Variants in POU2F3 observed in about 807,000 individuals in gnomAD.
POU2F3 encodes POU domain, class 2, transcription factor 3.
Under a neutral mutation model 59.2 loss-of-function variants are expected in POU2F3, and 23 were observed. That is an observed-to-expected ratio of 0.39 (90% CI 0.28 to 0.55). The LOEUF (loss-of-function observed/expected upper bound fraction) is 0.55. Ranked by LOEUF, POU2F3 falls within the 20% of genes least tolerant of loss-of-function variation. POU2F3 has a pLI of 0.66. For missense variants in POU2F3, 473 were observed against 544.5 expected, an observed-to-expected ratio of 0.87 and a Z score of 1.31; for synonymous variants, 190 against 214.6, an observed-to-expected ratio of 0.89 and a Z score of 1.00.
At chr11:120,290,360 G>A (rs1032879653) in intron 3 of POU2F3, among the ~76,000 whole-genome samples, 2 of 152,178 alleles carry the variant, frequency 1.3e-5, no homozygotes, top group African/African-American at 2.4e-5. Context: ...ACTTGTAAGT[G>A]TAGCCTGGAA....
At chr11:120,289,575 A>T (rs910795678) in intron 3 of POU2F3, among the ~76,000 whole-genome samples, 10 of 152,090 alleles carry the variant, frequency 6.6e-5, no homozygotes, top group Admixed American at 2.0e-4. Flanking sequence ...CCTCCCCTAC[A>T]GCAGCAGTCC....
At chr11:120,307,837 GC>G (rs1941541629) in intron 9 of POU2F3, among the ~76,000 whole-genome samples, 1 of 152,156 alleles carries the variant, frequency 6.6e-6, no homozygotes, top group Non-Finnish European at 1.5e-5. Context: ...GACCCTTCTT[GC>G]CCTGACATCT....
chr11:120,315,982 T>C (rs979977883), intron 11 of POU2F3, among the ~76,000 whole-genome samples: 13 of 151,312 alleles, frequency 8.6e-5, no homozygotes, highest in Admixed American at 5.9e-4. Context: ...AAGCAATTCT[T>C]CTGCCACAGC....
At chr11:120,284,353 C>T (rs1940699396) in intron 3 of POU2F3, among the ~76,000 whole-genome samples, 1 of 152,196 alleles carries the variant, frequency 6.6e-6, no homozygotes, top group African/African-American at 2.4e-5. Context: ...TCCACAAAAC[C>T]TGCCCCCTTT....
At chr11:120,302,504 G>A (rs1272864169) in intron 6 of POU2F3, 136 bp downstream of exon 6, 4 of 746,226 alleles carry the variant, frequency 5.4e-6, no homozygotes, top group Middle Eastern at 2.4e-4. Flanking sequence ...ACTATCCATT[G>A]GCACAGGGGA....
Position 120,271,643 on chromosome 11 carries a change from G to C in POU2F3, c.132+2399G>C, listed in dbSNP as rs181325144. ...ATGGGCTTGGCGGCCCATGTGATTTGTTGGAAGCTTGAGACACACTAGTGC... is the reference window on the plus strand; with the variant it reads ...ATGGGCTTGGCGGCCCATGTGATTTCTTGGAAGCTTGAGACACACTAGTGC... On this transcript the variant is annotated intron_variant, in intron 3 of 12. Coordinates refer to ENST00000543440, the MANE Select transcript of POU2F3 (RefSeq NM_014352.4). Among the ~76,000 whole-genome samples the C allele has an allele frequency of 7.9e-5, 12 of 152,344 alleles. 1 individual carries two copies. The highest frequency in any genetic ancestry group is 7.2e-4 in the Admixed American group (11 of 15,308).
intron 1 of POU2F3, among the ~76,000 whole-genome samples, 174 bp downstream of exon 1, chr11:120,240,545 G>A (rs779773977): frequency 5.9e-5 from 9 of 152,082 alleles, no homozygotes; most frequent in Non-Finnish European, 1.0e-4. Context: ...GGGACTAAAG[G>A]GAGGGGATCT....
intron 3 of POU2F3, among the ~76,000 whole-genome samples, chr11:120,292,909 G>A (rs1200818340): frequency 6.6e-6 from 1 of 152,228 alleles, no homozygotes; most frequent in African/African-American, 2.4e-5. Flanking sequence ...TAAAATGAAG[G>A]GGTTTTTCAT....
chr11:120,267,426 G>A (rs1007459171), intron 2 of POU2F3, among the ~76,000 whole-genome samples: 1 of 152,102 alleles, frequency 6.6e-6, no homozygotes, highest in Non-Finnish European at 1.5e-5. Flanking sequence ...TAGCAGATCT[G>A]ATATATCATC....
At chr11:120,275,682 G>T (rs550665252) in intron 3 of POU2F3, among the ~76,000 whole-genome samples, 1 of 152,266 alleles carries the variant, frequency 6.6e-6, no homozygotes, top group African/African-American at 2.4e-5. Flanking sequence ...AGCTGTCCTT[G>T]TCCCACGTTT....
intron 3 of POU2F3, among the ~76,000 whole-genome samples, chr11:120,284,159 A>G (rs1940691058): frequency 6.6e-6 from 1 of 152,138 alleles, no homozygotes. Flanking sequence ...AGTCTGGGTG[A>G]CAAGAGCAAG....
At chr11:120,263,200 C>T (rs190041258) in intron 2 of POU2F3, among the ~76,000 whole-genome samples, 1 of 152,156 alleles carries the variant, frequency 6.6e-6, no homozygotes, top group Non-Finnish European at 1.5e-5. Flanking sequence ...CCATGTTGAT[C>T]AGGCTGGTCT....
At chr11:120,264,510 G>A (rs1425917749) in intron 2 of POU2F3, among the ~76,000 whole-genome samples, 2 of 152,182 alleles carry the variant, frequency 1.3e-5, no homozygotes, top group African/African-American at 4.8e-5. Flanking sequence ...AAGAGGAGGA[G>A]AGAAGGGCCT....
intron 8 of POU2F3, among the ~76,000 whole-genome samples, chr11:120,306,610 G>T (rs769450075): frequency 6.7e-6 from 1 of 149,302 alleles, no homozygotes; most frequent in Non-Finnish European, 1.5e-5. Flanking sequence ...GTGATGCAGA[G>T]TCCCCCCCGG....
rs567781950 is a variant in POU2F3, at chr11:120,240,499, G to T, written c.28+128G>T. 282 of 1,218,450 alleles carry T rather than the reference G, an allele frequency of 2.3e-4. No homozygotes were observed. In the African/African-American group the frequency reaches 3.7e-3, roughly 16 times the overall value. 75.5% of individuals were successfully genotyped at this position (1,218,450 alleles called of 1,614,324 possible). A position where few individuals can be genotyped will look rare whatever the true frequency, so the allele number is the denominator to read the frequency against. ...CGGCCAGGAGAGGGCGGTGTGGATA[G>T]CGGGTTGTCCTGGGGTGGGTGCCGG... On this transcript the variant is annotated intron_variant, in intron 1 of 12. Transcript: ENST00000543440.
At chr11:120,250,365 C>T (rs1939046412) in intron 2 of POU2F3, 1 of 152,228 alleles carries the variant, frequency 6.6e-6, no homozygotes, top group African/African-American at 2.4e-5. Flanking sequence ...GCATCCCTGT[C>T]CTCAAGGAGT....
intron 10 of POU2F3, 114 bp downstream of exon 10, chr11:120,309,700 G>T (rs1031784540): frequency 8.0e-7 from 1 of 1,250,136 alleles, no homozygotes; most frequent in Admixed American, 2.2e-5. Context: ...TAAGCAAAGA[G>T]ATGCTGTATA....
At position 120,274,094 on chromosome 11, in the gene POU2F3, AGGAAGGAAGGAAG is replaced by A. The variant is rs1565368705; in HGVS notation, c.132+4851_132+4863del. Reference sequence around the variant, plus strand: ...GAAAGAAAAAGAGAGAAAGAAAGGAAGGAAGGAAGGAAGAAAGGAAGGAAGGAAGGAAGGAAGG... The same window carrying A: ...GAAAGAAAAAGAGAGAAAGAAAGGAAAAAGGAAGGAAGGAAGGAAGGAAGG... On this transcript the variant is annotated intron_variant, in intron 3 of 12. Transcript: ENST00000543440. Among the ~76,000 whole-genome samples the A allele has an allele frequency of 4.7e-4, 42 of 90,104 alleles. No individual in the cohort carries two copies. The East Asian group carries it at 0.011, about 23-fold the overall frequency. The allele number at this position is 90,104 out of a possible 152,430, so 59.1% of individuals were successfully genotyped here.
intron 6 of POU2F3, 38 bp downstream of exon 6, chr11:120,302,406 T>A (rs1941373886): frequency 1.3e-6 from 2 of 1,536,402 alleles, no homozygotes; most frequent in Non-Finnish European, 1.8e-6. Context: ...TCTAGGAATG[T>A]CTCAGCTCTC....
Sources: allele counts gnomAD v4.1 joint callset (sites outside exome capture counted in the v4.1 genomes callset), GRCh38; gene constraint gnomAD v4.1.1; transcripts MANE v1.5; gene names NCBI Gene and HGNC (gene_info 2026-07-23, HGNC 2026-07-21).